The following PDE1C variants were observed in gnomAD, a reference collection of about 807,000 sequenced individuals.
PDE1C encodes the protein phosphodiesterase 1C, also known as dual specificity calcium/calmodulin-dependent 3',5'-cyclic nucleotide phosphodiesterase 1C.
A neutral mutation model predicts 93.1 loss-of-function variants in PDE1C; 62 were observed. That is an observed-to-expected ratio of 0.67 (90% confidence interval 0.54 to 0.82). PDE1C has a LOEUF of 0.82. Among genes scored for constraint, PDE1C ranks in the 40% least tolerant of loss-of-function variants. The pLI, the probability that PDE1C is intolerant of heterozygous loss-of-function variation, is 0.00. For missense variants in PDE1C, 742 were observed against 884.6 expected (o/e 0.84, Z 2.04); for synonymous variants, 325 against 310.1 (o/e 1.05, Z -0.50).
chr7:31,911,765 A>G (rs1371604858), intron 2 of PDE1C, among the ~76,000 whole-genome samples: 1 of 152,204 alleles, frequency 6.6e-6, no homozygotes, highest in African/African-American at 2.4e-5. Context: ...ACTGAGGCTG[A>G]GAGAAGGTAA....
At chr7:32,116,295 A>G (rs1200655372) in intron 3 of PDE1C, among the ~76,000 whole-genome samples, 2 of 152,098 alleles carry the variant, frequency 1.3e-5, no homozygotes, top group Non-Finnish European at 2.9e-5. Context: ...TGATGCACTT[A>G]TCTTCCTTCT....
Position 31,965,279 on chromosome 7 carries a change from GA to G in PDE1C, c.129-84420del, listed in dbSNP as rs372829594. Among the ~76,000 whole-genome samples, 12 of 152,346 alleles carry G rather than the reference GA, an allele frequency of 7.9e-5. No individual in the cohort carries two copies. The East Asian group carries it at 1.7e-3, about 22-fold the overall frequency. On this transcript the variant is annotated intron_variant, in intron 2 of 17. Coordinates refer to ENST00000396191, the MANE Select transcript of PDE1C (RefSeq NM_001191057.4). Reference sequence around the variant, plus strand: ...AGTCCTTAAAGGACCTGATGGAGCTGAAAACTATGGCACGAGAACTATGTGA... The same window carrying G: ...AGTCCTTAAAGGACCTGATGGAGCTGAAACTATGGCACGAGAACTATGTGA...
chr7:32,254,340 G>C (rs973852113), intron 1 of PDE1C, among the ~76,000 whole-genome samples: 1 of 152,184 alleles, frequency 6.6e-6, no homozygotes, highest in African/African-American at 2.4e-5. Context: ...CACTGGAACT[G>C]ACAGGTCCAG....
At chr7:32,021,230 G>A (rs909900629) in intron 2 of PDE1C, among the ~76,000 whole-genome samples, 1 of 152,020 alleles carries the variant, frequency 6.6e-6, no homozygotes, top group African/African-American at 2.4e-5. Context: ...ATCCATAGTT[G>A]CAGATGCCTT....
rs371909926 is a variant in PDE1C at position 32,317,869 on chromosome 7, G to C, written c.311-108330C>G. ...AGTAACCACTCAGTAAATATCAGCT[G>C]TTGGTATCATTGTGTCCTTGTCACC... On this transcript the variant is annotated intron_variant, in intron 1 of 1. Transcript: ENST00000672256. 9.8e-4 allele frequency among the ~76,000 whole-genome samples: 150 copies of C among 152,290 alleles called. 1 individual carries two copies. The highest frequency in any genetic ancestry group is 3.5e-3 in the African/African-American group (144 of 41,566).
intron 1 of PDE1C, among the ~76,000 whole-genome samples, chr7:32,381,225 C>G (rs1784527867): frequency 6.6e-6 from 1 of 151,728 alleles, no homozygotes; most frequent in South Asian, 2.1e-4. Flanking sequence ...CTAGTCTTCT[C>G]TAGTCCAAGC....
At chr7:32,076,784 GA>G (rs1365005216) in intron 3 of PDE1C, among the ~76,000 whole-genome samples, 1 of 152,002 alleles carries the variant, frequency 6.6e-6, no homozygotes, top group Admixed American at 6.6e-5. Flanking sequence ...CCTGAAGCCA[GA>G]ATGCCCATTG....
At chr7:31,621,944 G>A in the PDE1C span, among the ~76,000 whole-genome samples, 2 of 148,976 alleles carry the variant, frequency 1.3e-5, no homozygotes, top group Non-Finnish European at 1.5e-5. Flanking sequence ...AAAAAGGCAG[G>A]GGTTGCAATC....
intron 1 of PDE1C, among the ~76,000 whole-genome samples, chr7:32,396,797 T>C (rs1784847667): frequency 6.6e-6 from 1 of 152,156 alleles, no homozygotes; most frequent in African/African-American, 2.4e-5. Context: ...CACAGGGAAA[T>C]GTAATGAACA....
At chr7:31,664,556 C>A in the PDE1C span, among the ~76,000 whole-genome samples, 3,441 of 152,260 alleles carry the variant, frequency 0.023, 132 homozygotes, top group African/African-American at 0.078. Flanking sequence ...TCCCAACAAC[C>A]AGATGCAACT....
intron 1 of PDE1C, among the ~76,000 whole-genome samples, chr7:32,385,425 CA>C (rs2128091353): frequency 6.6e-6 from 1 of 152,268 alleles, no homozygotes; most frequent in South Asian, 2.1e-4. Flanking sequence ...TCCAATATTT[CA>C]AAGGCTGAAA....
intron 1 of PDE1C, among the ~76,000 whole-genome samples, chr7:32,271,781 T>C (rs1053482177): frequency 3.9e-5 from 6 of 152,278 alleles, no homozygotes; most frequent in African/African-American, 1.2e-4. Flanking sequence ...AAAATGAACA[T>C]GAGCCAGAGG....
At chr7:31,694,103 C>G in the PDE1C span, among the ~76,000 whole-genome samples, 1 of 152,076 alleles carries the variant, frequency 6.6e-6, no homozygotes, top group African/African-American at 2.4e-5. Context: ...AGGCACCTGT[C>G]AGTAAAGAGG....
rs76962575 is a variant in PDE1C at position 31,779,090 on chromosome 7, G to A, written c.1892-3358C>T. On this transcript the variant is annotated intron_variant, in intron 16 of 17. Transcript: ENST00000396191. Reference sequence around the variant, plus strand: ...GTTTCCCAGGCCTCACTAAGCTCTCGGAGCCAGCACTTCCAGAGGCGAGGT... The same window carrying A: ...GTTTCCCAGGCCTCACTAAGCTCTCAGAGCCAGCACTTCCAGAGGCGAGGT... 7.6e-4 allele frequency among the ~76,000 whole-genome samples: 116 copies of A among 152,222 alleles called. 1 individual carries two copies. The East Asian group carries it at 0.018, about 23-fold the overall frequency.
the PDE1C span, among the ~76,000 whole-genome samples, chr7:31,634,195 C>A: frequency 1.3e-5 from 2 of 152,118 alleles, no homozygotes; most frequent in African/African-American, 2.4e-5. Flanking sequence ...GTAGTCCTGC[C>A]CCAAGCAGGG....
intron 1 of PDE1C, among the ~76,000 whole-genome samples, chr7:32,298,124 T>C (rs1812743219): frequency 6.7e-6 from 1 of 148,560 alleles, no homozygotes; most frequent in Non-Finnish European, 1.5e-5. Flanking sequence ...CTTGTTTCAG[T>C]CACTGTCTCC....
intron 6 of PDE1C, among the ~76,000 whole-genome samples, chr7:31,870,326 G>C (rs992073900): frequency 6.0e-5 from 9 of 151,076 alleles, no homozygotes; most frequent in Admixed American, 5.3e-4. Context: ...TTGTTTTTTT[G>C]AAAAGACAAA....
chr7:32,187,854 G>A (rs1803984218), intron 2 of PDE1C, among the ~76,000 whole-genome samples: 1 of 152,126 alleles, frequency 6.6e-6, no homozygotes, highest in African/African-American at 2.4e-5. Flanking sequence ...AATCCATTGT[G>A]TATTTTACAC....
intron 2 of PDE1C, among the ~76,000 whole-genome samples, chr7:31,966,452 C>G (rs1225802808): frequency 2.0e-5 from 3 of 152,140 alleles, no homozygotes. Flanking sequence ...CACCCAGATT[C>G]ATAAAGCAAG....
Sources: allele counts gnomAD v4.1 joint callset (sites outside exome capture counted in the v4.1 genomes callset), GRCh38; gene constraint gnomAD v4.1.1; transcripts MANE v1.5; gene names NCBI Gene and HGNC (gene_info 2026-07-23, HGNC 2026-07-21).